C5: variants seen among roughly 807,000 people sequenced by gnomAD.
The protein encoded by C5 is C3 and PZP-like alpha-2-macroglobulin domain-containing protein 4.
In C5, 140 loss-of-function variants were observed where a neutral mutation model predicts 218.8. That is an observed-to-expected ratio of 0.64 (90% CI 0.56 to 0.74). The LOEUF (loss-of-function observed/expected upper bound fraction) is 0.74. C5 is among the 30% of genes least tolerant of loss of function. The probability of loss-of-function intolerance (pLI) is 0.00; values close to 1 mark genes in which losing one functional copy is unlikely to be tolerated. For synonymous variants in C5, 614 were observed against 682.3 expected, an observed-to-expected ratio of 0.90 and a Z score of 1.56; for missense variants, 1,700 against 1,969.6, an observed-to-expected ratio of 0.86 and a Z score of 2.59.
At chr9:120,992,372 C>A (rs73534953) in intron 22 of C5, among the ~76,000 whole-genome samples, 2 of 152,184 alleles carry the variant, frequency 1.3e-5, no homozygotes, top group African/African-American at 4.8e-5. Context: ...ATATGTGACG[C>A]TGGGCAAGAT....
rs1300586377 is a variant in C5, at chr9:120,962,587, T to G, written c.4504+84A>C. 5 of 1,076,288 alleles carry G rather than the reference T, an allele frequency of 4.6e-6. No homozygotes were observed. In the South Asian group the frequency reaches 6.3e-5, roughly 13 times the overall value. The allele number at this position is 1,076,288 out of a possible 1,614,324, so 66.7% of individuals were successfully genotyped here. On this transcript the variant is annotated intron_variant, in intron 36 of 40. Coordinates refer to ENST00000223642, the MANE Select transcript of C5 (RefSeq NM_001735.3). ...CCCTAAGAGAGGCAATACATAAAAT[T>G]TACAGGACTCTAGTGGATTTCTAAA... is the stretch of plus-strand genomic sequence containing the variant.
rs1467874540 is a variant in C5, at chr9:121,002,335, T to TACAC, written c.2562+3583_2562+3584insGTGT. 2.2e-3 allele frequency among the ~76,000 whole-genome samples: 242 copies of TACAC among 109,422 alleles called. 6 individuals carry two copies. The highest frequency in any genetic ancestry group is 4.1e-3 in the South Asian group (13 of 3,144). The allele number at this position is 109,422 out of a possible 152,430, so 71.8% of individuals were successfully genotyped here. A position where few individuals can be genotyped will look rare whatever the true frequency, so the allele number is the denominator to read the frequency against. ...GTGTGTGTATATATATATATATATA[T>TACAC]ATATATACACACATACCTACACAAG... On this transcript the variant is annotated intron_variant, in intron 20 of 40. Transcript: ENST00000223642.
At chr9:121,017,181 AAAC>A (rs922350495) in intron 14 of C5, among the ~76,000 whole-genome samples, 178 bp downstream of exon 14, 20 of 152,340 alleles carry the variant, frequency 1.3e-4, no homozygotes, top group African/African-American at 4.8e-4. Context: ...TACATTTGAA[AAAC>A]AAAAGAGGAT....
At chr9:121,050,382 G>C (rs2047663169), upstream of C5, 1 of 760,548 alleles carries the variant, frequency 1.3e-6, no homozygotes, top group Admixed American at 2.1e-5. Context: ...GGGAAAACTA[G>C]AATTGGAACT....
At chr9:121,022,092 A>G (rs934608343) in intron 10 of C5, among the ~76,000 whole-genome samples, 3 of 152,224 alleles carry the variant, frequency 2.0e-5, no homozygotes, top group African/African-American at 7.2e-5. Context: ...TAAATCAAGC[A>G]AACTCAAAAC....
chr9:120,980,196 G>C lies in C5; in HGVS notation c.3545C>G (p.Ala1182Gly). The C allele has an allele frequency of 1.2e-6, 2 of 1,614,104 alleles. No homozygotes were observed. The highest frequency in any genetic ancestry group is 1.7e-6 in the Non-Finnish European group (2 of 1,179,988). The change falls in exon 28 of 41, where the codon GCC becomes GGC. Residue 1182 changes from alanine to glycine, a missense_variant. By Grantham distance (60) the Ala-to-Gly change is moderately conservative (BLOSUM62 0). Transcript: ENST00000223642. ...AATGGCCAATGTAAAGGTGCTCTGGGCTGGCAGTGTATTTTCAAGCAGAAA... is the reference window on the plus strand; with the variant it reads ...AATGGCCAATGTAAAGGTGCTCTGGCCTGGCAGTGTATTTTCAAGCAGAAA... ...DNFLLENTLP[A>G]QSTFTLAISA...
chr9:120,953,978 T>C lies in C5; in HGVS notation c.4763-110A>G, dbSNP rs2046767093. 9 of 1,067,994 alleles carry C rather than the reference T, an allele frequency of 8.4e-6. 1 individual carries two copies. Among genetic ancestry groups the C allele is most frequent in the African/African-American group, 7.8e-5 (5 of 64,322 alleles). 66.2% of individuals were successfully genotyped at this position (1,067,994 alleles called of 1,614,324 possible). A position where few individuals can be genotyped will look rare whatever the true frequency, so the allele number is the denominator to read the frequency against. On this transcript the variant is annotated intron_variant, in intron 39 of 40. Transcript: ENST00000223642. ...TGGCTATTGAGAGGTTCATGGCTAG[T>C]GGACAGCCGTGATATCCATGTGGTT...
intron 30 of C5, 100 bp from the exon 31 acceptor site, chr9:120,972,092 C>T: frequency 1.2e-6 from 1 of 868,248 alleles, no homozygotes; most frequent in Non-Finnish European, 1.9e-6. Flanking sequence ...CCAGCCTCCT[C>T]TCTCAGAGCT....
chr9:121,009,171 T>C (rs1427903722), intron 17 of C5, among the ~76,000 whole-genome samples: 1 of 152,250 alleles, frequency 6.6e-6, no homozygotes, highest in East Asian at 1.9e-4. Flanking sequence ...CTCTGCCTTC[T>C]TTAACTTGGT....
chr9:121,062,258 T>C, the C5 span, among the ~76,000 whole-genome samples: 55 of 152,212 alleles, frequency 3.6e-4, no homozygotes, highest in African/African-American at 1.3e-3. Context: ...ACTGGAATTC[T>C]GTGTTCACAG....
intron 2 of C5, among the ~76,000 whole-genome samples, chr9:121,043,807 C>CAA (rs2047602253): frequency 6.6e-6 from 1 of 151,450 alleles, no homozygotes; most frequent in South Asian, 2.1e-4. Flanking sequence ...CTCGGCTTCC[C>CAA]AAAGTGCTGG....
chr9:121,055,562 C>G, the C5 span, among the ~76,000 whole-genome samples: 1 of 152,128 alleles, frequency 6.6e-6, no homozygotes, highest in African/African-American at 2.4e-5. Flanking sequence ...GATAAAACAT[C>G]AAACAGATTC....
At position 120,981,908 on chromosome 9, in the gene C5, C is replaced by T. The variant is rs758293412; in HGVS notation, c.3422G>A (p.Ser1141Asn). 1.2e-6 allele frequency: 2 copies of T among 1,614,022 alleles called. No homozygotes were observed. Among genetic ancestry groups the T allele is most frequent in the Non-Finnish European group, 1.7e-6 (2 of 1,179,924 alleles). The change falls in exon 27 of 41, where the codon AGC becomes AAC. Residue 1141 changes from serine to asparagine, a missense_variant. Ser to Asn is a conservative substitution (Grantham distance 46, BLOSUM62 1). Transcript: ENST00000223642. ...CACAGTAAAGGCTGTAAGATATAAG[C>T]TGTTCTCTCGGGCTTCAACAGGCAA... ...GTLPVEAREN[S>N]LYLTAFTVIG...
chr9:121,029,231 T>G (rs955383689), intron 7 of C5, among the ~76,000 whole-genome samples: 5 of 152,242 alleles, frequency 3.3e-5, no homozygotes, highest in Non-Finnish European at 7.3e-5. Context: ...TCAGTTTCTA[T>G]AATTTTCTCT....
chr9:120,953,157 C>T (rs966368998), intron 40 of C5, among the ~76,000 whole-genome samples: 3 of 152,178 alleles, frequency 2.0e-5, no homozygotes, highest in Non-Finnish European at 4.4e-5. Context: ...ATCTCCTGAC[C>T]TTGTGATCTG....
chr9:120,998,460 AT>A (rs937072866), intron 20 of C5, among the ~76,000 whole-genome samples: 1 of 152,062 alleles, frequency 6.6e-6, no homozygotes, highest in African/African-American at 2.4e-5. Flanking sequence ...CATCTTATTC[AT>A]TTTTGTATCT....
intron 29 of C5, 73 bp from the exon 30 acceptor site, chr9:120,975,004 T>TA (rs1490630891): frequency 6.6e-7 from 1 of 1,525,902 alleles, no homozygotes; most frequent in Non-Finnish European, 9.1e-7. Context: ...ATGCCCTTTT[T>TA]ATGAGAGGGT....
At chr9:121,026,798 A>G (rs1029539821) in intron 8 of C5, among the ~76,000 whole-genome samples, 2 of 152,170 alleles carry the variant, frequency 1.3e-5, no homozygotes, top group Non-Finnish European at 1.5e-5. Context: ...TGAAACTTAA[A>G]GAATGAGAAG....
intron 22 of C5, among the ~76,000 whole-genome samples, chr9:120,994,815 A>T (rs897500907): frequency 2.6e-5 from 4 of 152,062 alleles, no homozygotes; most frequent in African/African-American, 9.7e-5. Flanking sequence ...TCCCAGATAA[A>T]AGATTGTTCC....
Sources: gnomAD v4.1 joint callset for allele counts (sites outside exome capture counted in the v4.1 genomes callset) on GRCh38, gnomAD v4.1.1 for gene constraint, MANE v1.5 for transcripts, NCBI Gene and HGNC (gene_info 2026-07-23, HGNC 2026-07-21) for gene names.